Variants in CDKL5 observed in about 807,000 individuals in gnomAD.
CDKL5 encodes cyclin-dependent kinase-like 5.
CDKL5 carries 8 observed loss-of-function variants against 61.7 expected under a neutral mutation model. The ratio of observed to expected loss-of-function variants is 0.13; its 90% CI spans 0.08 to 0.23. The LOEUF (loss-of-function observed/expected upper bound fraction) is 0.23, where lower values mean the gene tolerates loss of function less well. Among genes scored for constraint, CDKL5 ranks in the 10% least tolerant of loss-of-function variants. The pLI is 1.00. For missense variants in CDKL5, 440 were observed against 734.5 expected (o/e 0.60, Z 4.63); for synonymous variants, 275 against 272.3 (o/e 1.01, Z -0.10).
chrX:18,520,989 T>G (rs1408258578), intron 3 of CDKL5, among the ~76,000 whole-genome samples: 1 of 112,396 alleles, frequency 8.9e-6, no homozygotes, highest in Non-Finnish European at 1.9e-5. Flanking sequence ...TCCACCTACC[T>G]TGGCCTCCCA....
chrX:18,646,039 C>G (rs1191207828), exon 20 of CDKL5: 3 of 1,210,077 alleles, frequency 2.5e-6, no homozygotes, highest in Non-Finnish European at 3.4e-6. Context: ...ACAGAGACAC[C>G]ATTCTGGACC....
intron 21 of CDKL5, among the ~76,000 whole-genome samples, chrX:18,652,650 C>T (rs1226563858): frequency 9.5e-6 from 1 of 105,553 alleles, no homozygotes; most frequent in Non-Finnish European, 1.9e-5. Flanking sequence ...GCTTGGGCAA[C>T]AGAGCCAGAC....
In CDKL5 at chrX:18,624,068, GC is replaced by G; in HGVS notation, c.2377-1059del. ...TAAACTTGTTTTACTGATGACAACA[GC>G]ATGTCTTATTTTCATGAGGTCATAT... On this transcript the variant is annotated intron_variant, in intron 16 of 17. Coordinates refer to ENST00000623535, the MANE Select transcript of CDKL5 (RefSeq NM_001323289.2). 6 of 569,753 alleles carry G rather than the reference GC, an allele frequency of 1.1e-5. No individual in the cohort carries two copies. In the South Asian group the frequency reaches 5.5e-4, roughly 52 times the overall value. 47.0% of individuals were successfully genotyped at this position (569,753 alleles called of 1,213,427 possible).
intron 3 of CDKL5, among the ~76,000 whole-genome samples, chrX:18,563,803 G>A (rs1469894523): frequency 8.9e-6 from 1 of 111,741 alleles, no homozygotes; most frequent in African/African-American, 3.2e-5. Flanking sequence ...GTTTAGTTTA[G>A]TGGTACTTAG....
intron 21 of CDKL5, chrX:18,653,376 C>A (rs1228378990): frequency 8.4e-7 from 1 of 1,194,848 alleles, no homozygotes; most frequent in African/African-American, 1.7e-5. Flanking sequence ...CCAGAGTGCA[C>A]CTGCTAGCGC....
chrX:18,560,896 T>C (rs902207359), intron 3 of CDKL5, among the ~76,000 whole-genome samples: 2 of 111,732 alleles, frequency 1.8e-5, no homozygotes, highest in Admixed American at 9.5e-5. Flanking sequence ...GTGATCTATA[T>C]TGGAACAAAA....
At chrX:18,560,268 A>G (rs1430993263) in intron 3 of CDKL5, among the ~76,000 whole-genome samples, 2 of 111,375 alleles carry the variant, frequency 1.8e-5, no homozygotes, top group African/African-American at 6.5e-5. Flanking sequence ...AAGTGTTCCT[A>G]TTTCTCCACA....
In CDKL5 at chrX:18,531,654, C is replaced by G. The variant is rs187202301; in HGVS notation, c.99+20800C>G. ...CCCTCTGACCTCAATTCCGTAAATC[C>G]AAGAAATTTGCTGATTTTCAATTTG... On this transcript the variant is annotated intron_variant, in intron 3 of 17. Coordinates refer to ENST00000623535, the MANE Select transcript of CDKL5 (RefSeq NM_001323289.2). Among the ~76,000 whole-genome samples the G allele has an allele frequency of 4.0e-3, 438 of 110,613 alleles. 12 individuals carry two copies. In the Admixed American group the frequency reaches 0.041, roughly 10 times the overall value.
intron 1 of CDKL5, among the ~76,000 whole-genome samples, chrX:18,457,260 T>G (rs751203261): frequency 1.8e-5 from 2 of 111,487 alleles, no homozygotes; most frequent in South Asian, 7.5e-4. Flanking sequence ...CCACCATTTT[T>G]TCCACTGTCG....
intron 4 of CDKL5, among the ~76,000 whole-genome samples, chrX:18,574,890 C>G (rs1298178149): frequency 8.9e-6 from 1 of 112,111 alleles, no homozygotes; most frequent in African/African-American, 3.2e-5. Context: ...TCAGGCCATC[C>G]TTAAAAACAT....
chrX:18,533,757 A>G (rs1257885395), intron 3 of CDKL5, among the ~76,000 whole-genome samples: 1 of 111,503 alleles, frequency 9.0e-6, no homozygotes, highest in Non-Finnish European at 1.9e-5. Context: ...CAGTGCCAGG[A>G]TTGATTGCCT....
At position 18,455,238 on chromosome X, in the gene CDKL5, C is replaced by T. The variant is rs771879792; in HGVS notation, c.-163+29543C>T. Among the ~76,000 whole-genome samples the T allele has an allele frequency of 2.1e-4, 24 of 111,887 alleles. No homozygotes were observed. In the South Asian group the frequency reaches 6.3e-3, roughly 29 times the overall value. On this transcript the variant is annotated intron_variant, in intron 1 of 17. Transcript: ENST00000623535. ...CTTTTAACATAATCTAACCCACATCCGATTTGACAGGCACATTTTTTAAGT... is the reference window on the plus strand; with the variant it reads ...CTTTTAACATAATCTAACCCACATCTGATTTGACAGGCACATTTTTTAAGT...
intron 3 of CDKL5, among the ~76,000 whole-genome samples, chrX:18,555,950 G>A (rs1924588388): frequency 8.9e-6 from 1 of 112,003 alleles, no homozygotes; most frequent in Non-Finnish European, 1.9e-5. Context: ...AGCTATGGTA[G>A]TTTTCAAATA....
At position 18,637,224 on chromosome X, in the gene CDKL5, C is replaced by G. The variant is rs1163636951; in HGVS notation, c.*8467C>G. 9.0e-6 allele frequency: 1 copy of G among 110,846 alleles called. No homozygotes were observed. The highest frequency in any genetic ancestry group is 9.6e-5 in the Admixed American group (1 of 10,427). 9.1% of individuals were successfully genotyped at this position (110,846 alleles called of 1,213,427 possible). On this transcript the variant is annotated 3_prime_UTR_variant, in exon 18 of 18. Coordinates refer to ENST00000623535, the MANE Select transcript of CDKL5 (RefSeq NM_001323289.2). ...TGGCCAACATGGTGAAACCCCGTCTCTACTAAAAATACAAAAATTGGGTGT... is the reference window on the plus strand; with the variant it reads ...TGGCCAACATGGTGAAACCCCGTCTGTACTAAAAATACAAAAATTGGGTGT...
chrX:18,611,900 G>C (rs972614715), intron 14 of CDKL5, among the ~76,000 whole-genome samples: 5 of 111,852 alleles, frequency 4.5e-5, no homozygotes, highest in African/African-American at 9.7e-5. Flanking sequence ...TGAAATAACA[G>C]ATGTTTCCAG....
At chrX:18,652,467 G>A (rs750341217) in intron 21 of CDKL5, among the ~76,000 whole-genome samples, 5 of 111,843 alleles carry the variant, frequency 4.5e-5, no homozygotes, top group African/African-American at 6.5e-5. Flanking sequence ...TCAGGAGTTC[G>A]AGACCAGCCT....
At chrX:18,474,741 G>A (rs1225429909) in intron 1 of CDKL5, among the ~76,000 whole-genome samples, 1 of 111,486 alleles carries the variant, frequency 9.0e-6, no homozygotes, top group African/African-American at 3.3e-5. Flanking sequence ...TTTAGTAGTG[G>A]AAAAGCAACT....
At chrX:18,475,969 C>T (rs1473554823) in intron 1 of CDKL5, among the ~76,000 whole-genome samples, 1 of 111,938 alleles carries the variant, frequency 8.9e-6, no homozygotes, top group African/African-American at 3.2e-5. Flanking sequence ...ACTTGTGTAA[C>T]TCAAGATCAG....
chrX:18,506,768 C>A (rs1370327816), intron 1 of CDKL5, among the ~76,000 whole-genome samples, 167 bp from the exon 2 acceptor site: 21 of 112,113 alleles, frequency 1.9e-4, no homozygotes, highest in Non-Finnish European at 2.4e-4. Context: ...TGTTTGTATT[C>A]ATTCCATTTT....
Sources: gnomAD v4.1 joint callset for allele counts (sites outside exome capture counted in the v4.1 genomes callset) on GRCh38, gnomAD v4.1.1 for gene constraint, MANE v1.5 for transcripts, NCBI Gene and HGNC (gene_info 2026-07-23, HGNC 2026-07-21) for gene names.